Variants in RIMOC1 observed in about 807,000 individuals in gnomAD.
RIMOC1 encodes the protein RAB7A-interacting MON1-CCZ1 complex subunit 1.
the RIMOC1 span, chr5:41,916,362 T>C: frequency 1.2e-6 from 1 of 866,878 alleles, no homozygotes; most frequent in Admixed American, 6.2e-5. Flanking sequence ...TATTTAATTA[T>C]ATAATTGCCT....
At chr5:41,910,863 A>C in the RIMOC1 span, among the ~76,000 whole-genome samples, 2 of 152,160 alleles carry the variant, frequency 1.3e-5, no homozygotes, top group African/African-American at 4.8e-5. Context: ...TTTAATTTTC[A>C]TGTATTAATA....
At chr5:41,913,568 C>T in the RIMOC1 span, among the ~76,000 whole-genome samples, 1 of 152,144 alleles carries the variant, frequency 6.6e-6, no homozygotes, top group Non-Finnish European at 1.5e-5. Flanking sequence ...CATTAGATCA[C>T]ATGTGTAAAC....
chr5:41,917,069 T>C, the RIMOC1 span: 3 of 1,613,548 alleles, frequency 1.9e-6, no homozygotes, highest in African/African-American at 4.0e-5. Context: ...AGAAATGTGT[T>C]ACTGGGGATC....
the RIMOC1 span, chr5:41,907,827 A>G: frequency 6.2e-7 from 1 of 1,603,276 alleles, no homozygotes; most frequent in Non-Finnish European, 8.5e-7. Context: ...CAAATCTTCT[A>G]GAACTTTACA....
the RIMOC1 span, chr5:41,917,289 G>A: frequency 3.7e-6 from 6 of 1,606,990 alleles, no homozygotes; most frequent in African/African-American, 2.7e-5. Flanking sequence ...TTTCATCATC[G>A]CTGTAACTAG....
At chr5:41,906,002 G>A in the RIMOC1 span, among the ~76,000 whole-genome samples, 3 of 152,262 alleles carry the variant, frequency 2.0e-5, no homozygotes, top group East Asian at 5.8e-4. Flanking sequence ...AAGATTTCAT[G>A]TACTTGAATT....
the RIMOC1 span, chr5:41,919,070 T>C: frequency 6.6e-6 from 1 of 152,126 alleles, no homozygotes; most frequent in African/African-American, 2.4e-5. Flanking sequence ...TTTTACCACC[T>C]GTAATAACAG....
the RIMOC1 span, chr5:41,910,021 A>G: frequency 4.3e-5 from 31 of 722,730 alleles, no homozygotes; most frequent in Non-Finnish European, 5.9e-5. Flanking sequence ...AGAGGGAGAT[A>G]AAAGAGCTTA....
the RIMOC1 span, among the ~76,000 whole-genome samples, chr5:41,914,732 T>G: frequency 2.6e-5 from 4 of 152,030 alleles, no homozygotes; most frequent in African/African-American, 9.7e-5. Context: ...ATCGCACAGC[T>G]GCACTCTAGC....
chr5:41,914,287 A>G, the RIMOC1 span, among the ~76,000 whole-genome samples: 48 of 152,236 alleles, frequency 3.2e-4, no homozygotes, highest in African/African-American at 9.6e-4. Flanking sequence ...AAAAAGACAC[A>G]GTATAGGCAC....
the RIMOC1 span, chr5:41,907,716 C>T: frequency 2.7e-6 from 4 of 1,487,222 alleles, no homozygotes; most frequent in African/African-American, 1.4e-5. Context: ...AAGTAATCCT[C>T]ATGTTTTTAT....
chr5:41,910,204 C>T, the RIMOC1 span, among the ~76,000 whole-genome samples: 148 of 152,096 alleles, frequency 9.7e-4, 1 homozygote, highest in African/African-American at 3.2e-3. Context: ...CACTATTAAT[C>T]TAATTACCAC....
the RIMOC1 span, chr5:41,911,253 C>G: frequency 3.6e-6 from 5 of 1,404,420 alleles, no homozygotes; most frequent in Non-Finnish European, 4.8e-6. Context: ...TGTTGTACTA[C>G]TAAGAGTAGT....
At chr5:41,904,576 G>A in the RIMOC1 span, 18 of 1,031,918 alleles carry the variant, frequency 1.7e-5, no homozygotes, top group Non-Finnish European at 2.4e-5. Context: ...TGGGTCCCAG[G>A]CCGCAGGTGG....
chr5:41,915,245 C>T, the RIMOC1 span, among the ~76,000 whole-genome samples: 1 of 152,164 alleles, frequency 6.6e-6, no homozygotes, highest in Non-Finnish European at 1.5e-5. Context: ...AACCTGGAAT[C>T]ACATGGAGGT....
the RIMOC1 span, chr5:41,918,079 G>A: frequency 1.2e-5 from 12 of 985,070 alleles, no homozygotes; most frequent in African/African-American, 1.7e-5. Context: ...ATAGGGGTGA[G>A]TGTTAAAGGC....
chr5:41,907,590 A>G, the RIMOC1 span: 2 of 528,034 alleles, frequency 3.8e-6, no homozygotes, highest in African/African-American at 2.0e-5. Context: ...CATGTTTTAG[A>G]TAAGATATTA....
the RIMOC1 span, chr5:41,921,105 G>A: frequency 6.6e-6 from 1 of 152,610 alleles, no homozygotes. Context: ...TGCAAATCAT[G>A]ACTAAAGACT....
the RIMOC1 span, chr5:41,909,712 AT>A: frequency 4.1e-6 from 6 of 1,453,742 alleles, no homozygotes; most frequent in Non-Finnish European, 5.5e-6. Flanking sequence ...ATTTTAAGTC[AT>A]TGATAGATAT....
Sources: allele counts gnomAD v4.1 joint callset (sites outside exome capture counted in the v4.1 genomes callset), GRCh38; gene constraint gnomAD v4.1.1; transcripts MANE v1.5; gene names NCBI Gene and HGNC (gene_info 2026-07-23, HGNC 2026-07-21).